PPFIA2: variants seen among roughly 807,000 people sequenced by gnomAD.
PPFIA2 encodes liprin-alpha-2.
A neutral mutation model predicts 175.5 loss-of-function variants in PPFIA2; 46 were observed. The ratio of observed to expected loss-of-function variants is 0.26; its 90% CI spans 0.21 to 0.34. PPFIA2 has a LOEUF of 0.34. PPFIA2 is among the 10% of genes least tolerant of loss of function. The pLI is 1.00. For synonymous variants in PPFIA2, 568 were observed against 511.4 expected (o/e 1.11, Z -1.49); for missense variants, 1,179 against 1,506.1 (o/e 0.78, Z 3.60).
chr12:81,408,808 C>G (rs1298808840), intron 7 of PPFIA2, among the ~76,000 whole-genome samples: 2 of 152,146 alleles, frequency 1.3e-5, no homozygotes, highest in South Asian at 2.1e-4. Flanking sequence ...GCTCTTGATA[C>G]AGAAGAACAA....
intron 4 of PPFIA2, among the ~76,000 whole-genome samples, chr12:81,515,621 C>G (rs946153495): frequency 2.6e-5 from 4 of 152,028 alleles, no homozygotes; most frequent in African/African-American, 9.7e-5. Flanking sequence ...TATACTACAC[C>G]TTCTCAGTGA....
intron 16 of PPFIA2, among the ~76,000 whole-genome samples, chr12:81,357,448 C>T (rs1382519360): frequency 6.6e-6 from 1 of 152,112 alleles, no homozygotes; most frequent in Non-Finnish European, 1.5e-5. Flanking sequence ...GACTATTTTA[C>T]TTCTCTGTAA....
At position 81,724,791 on chromosome 12, in the gene PPFIA2, A is replaced by T. The variant is rs112113868; in HGVS notation, c.249+29182T>A. Among the ~76,000 whole-genome samples the T allele has an allele frequency of 8.0e-3, 1,201 of 151,044 alleles. 12 individuals carry two copies. The highest frequency in any genetic ancestry group is 9.5e-3 in the Non-Finnish European group (642 of 67,276). On this transcript the variant is annotated intron_variant, in intron 3 of 32. Transcript: ENST00000549396. ...TAGTGAATAGTGCTGCAATAAACAT[A>T]AGGGGGAAGGTGTTTTTTGATATAA...
intron 24 of PPFIA2, among the ~76,000 whole-genome samples, chr12:81,284,987 AT>A (rs1411563616): frequency 6.6e-6 from 1 of 152,176 alleles, no homozygotes; most frequent in African/African-American, 2.4e-5. Context: ...AAATCCATAT[AT>A]TTCCTAATTC....
At chr12:81,633,391 T>C (rs975227292) in intron 4 of PPFIA2, among the ~76,000 whole-genome samples, 1 of 151,966 alleles carries the variant, frequency 6.6e-6, no homozygotes, top group African/African-American at 2.4e-5. Context: ...GGAGATTTGG[T>C]GATAAATTTT....
chr12:81,359,676 G>A (rs1021486332), intron 15 of PPFIA2, among the ~76,000 whole-genome samples: 3 of 151,828 alleles, frequency 2.0e-5, no homozygotes, highest in African/African-American at 7.2e-5. Context: ...ATCAGTCTGG[G>A]TTCCTTTTTC....
At chr12:81,418,077 A>G (rs1282851897) in intron 7 of PPFIA2, among the ~76,000 whole-genome samples, 1 of 152,010 alleles carries the variant, frequency 6.6e-6, no homozygotes, top group Non-Finnish European at 1.5e-5. Flanking sequence ...CAACATCATT[A>G]TAAGTTATTA....
intron 4 of PPFIA2, among the ~76,000 whole-genome samples, chr12:81,469,174 G>A (rs1004632318): frequency 1.3e-4 from 20 of 152,188 alleles, no homozygotes; most frequent in Admixed American, 1.3e-4. Flanking sequence ...TTACTGTAGA[G>A]AAGGAGCTTG....
At chr12:81,459,832 T>A (rs1237271796) in intron 4 of PPFIA2, among the ~76,000 whole-genome samples, 3 of 152,108 alleles carry the variant, frequency 2.0e-5, no homozygotes, top group Non-Finnish European at 4.4e-5. Context: ...ACATTTATTA[T>A]ACCACCTTGC....
At chr12:81,277,194 A>G in intron 28 of PPFIA2, 123 bp downstream of exon 28, 3 of 768,018 alleles carry the variant, frequency 3.9e-6, no homozygotes, top group Non-Finnish European at 1.8e-6. Flanking sequence ...AACAGTAACA[A>G]TTCTAGCCAA....
At chr12:81,555,175 A>G (rs1165445386) in intron 4 of PPFIA2, among the ~76,000 whole-genome samples, 3 of 151,962 alleles carry the variant, frequency 2.0e-5, no homozygotes, top group African/African-American at 7.2e-5. Context: ...GAAATCTGTA[A>G]ACACACACAT....
chr12:81,752,206 C>G (rs1463916260), intron 3 of PPFIA2, among the ~76,000 whole-genome samples: 2 of 152,146 alleles, frequency 1.3e-5, no homozygotes, highest in Non-Finnish European at 2.9e-5. Context: ...TAATAAAATC[C>G]TAGTGTAAAC....
chr12:81,552,799 T>G (rs1309289250), intron 4 of PPFIA2, among the ~76,000 whole-genome samples: 1 of 152,078 alleles, frequency 6.6e-6, no homozygotes, highest in East Asian at 1.9e-4. Context: ...CGCTAAACAG[T>G]AAAGTAGCTT....
chr12:81,673,628 T>C (rs1040555229), intron 4 of PPFIA2, among the ~76,000 whole-genome samples: 1 of 152,032 alleles, frequency 6.6e-6, no homozygotes, highest in African/African-American at 2.4e-5. Context: ...TGGAAACATA[T>C]GCCAAATATA....
intron 22 of PPFIA2, among the ~76,000 whole-genome samples, chr12:81,324,627 G>C (rs1031048459): frequency 4.0e-5 from 6 of 151,780 alleles, no homozygotes; most frequent in African/African-American, 1.5e-4. Flanking sequence ...TCATTAATTG[G>C]TAGGACTAAA....
intron 11 of PPFIA2, among the ~76,000 whole-genome samples, chr12:81,370,700 G>A (rs992415942): frequency 2.0e-5 from 3 of 151,832 alleles, no homozygotes; most frequent in African/African-American, 7.2e-5. Flanking sequence ...GTGACCGTCA[G>A]GTTACCACAG....
chr12:81,370,486 C>G (rs1187168309), intron 11 of PPFIA2, among the ~76,000 whole-genome samples: 1 of 151,802 alleles, frequency 6.6e-6, no homozygotes, highest in East Asian at 1.9e-4. Context: ...ATTGAAAGTC[C>G]TCAAATTATC....
At chr12:81,581,220 T>C (rs556675114) in intron 4 of PPFIA2, among the ~76,000 whole-genome samples, 2 of 151,370 alleles carry the variant, frequency 1.3e-5, no homozygotes, top group Non-Finnish European at 3.0e-5. Context: ...TACCTTGTTA[T>C]AGCAGGTGGG....
At position 81,277,414 on chromosome 12, in the gene PPFIA2, T is replaced by A. The variant is rs200499927; in HGVS notation, c.3213A>T (p.Arg1071=). 4.1e-5 allele frequency: 61 copies of A among 1,495,432 alleles called. 1 individual carries two copies. In the African/African-American group the frequency reaches 8.0e-4, roughly 20 times the overall value. 92.6% of individuals were successfully genotyped at this position (1,495,432 alleles called of 1,614,324 possible). ...VHLKMVDSFH[R]TSLQYGIMCL... ...ACATAATTCCATATTGTAAACTTGT[T>A]CTTTTTTTTTTATTAAAAAAAAAAA... The change falls in exon 28 of 33, where the codon CGA becomes CGT. Residue 1071 remains arginine, a splice_region_variant and synonymous_variant. Transcript: ENST00000549396.
Sources: gnomAD v4.1 joint callset for allele counts (sites outside exome capture counted in the v4.1 genomes callset) on GRCh38, gnomAD v4.1.1 for gene constraint, MANE v1.5 for transcripts, NCBI Gene and HGNC (gene_info 2026-07-23, HGNC 2026-07-21) for gene names.